Variants in PCDHGA9 observed in about 807,000 individuals in gnomAD.
The protein encoded by PCDHGA9 is protocadherin gamma-A9.
A neutral mutation model predicts 62.5 loss-of-function variants in PCDHGA9; 37 were observed. The observed-to-expected ratio is 0.59, with a 90% CI of 0.46 to 0.78. PCDHGA9 has a LOEUF of 0.78. PCDHGA9 is among the 30% of genes least tolerant of loss of function. PCDHGA9 has a pLI of 0.00. For synonymous variants in PCDHGA9, 459 were observed against 484.6 expected (o/e 0.95, Z 0.69); for missense variants, 1,138 against 1,166.2 (o/e 0.98, Z 0.35).
intron 1 of PCDHGA9, among the ~76,000 whole-genome samples, chr5:141,470,737 G>A (rs117064561): frequency 6.6e-6 from 1 of 152,016 alleles, no homozygotes; most frequent in African/African-American, 2.4e-5. Flanking sequence ...TTGCTCTGTC[G>A]CCCTGGCTGG....
At chr5:141,420,006 G>C (rs2096458103) in intron 1 of PCDHGA9, 2 of 1,613,934 alleles carry the variant, frequency 1.2e-6, no homozygotes, top group Admixed American at 3.3e-5. Flanking sequence ...CTACGCCTGC[G>C]ACAGTCTTTC....
At chr5:141,415,569 A>G (rs962518094) in intron 1 of PCDHGA9, 12 of 1,614,092 alleles carry the variant, frequency 7.4e-6, no homozygotes, top group Non-Finnish European at 1.0e-5. Flanking sequence ...TGTCTTTGTT[A>G]GATGATTCGA....
At position 141,486,883 on chromosome 5, in the gene PCDHGA9, C is replaced by G. The variant is rs1234866888; in HGVS notation, c.2425-7924C>G. The G allele has an allele frequency of 1.2e-6, 2 of 1,614,214 alleles. No individual in the cohort carries two copies. ...CTCCAGCTGTGCTCCGTCCTCGGGC[C>G]CGGCCTGGTTCCTTATGTCCCCAAG... On this transcript the variant is annotated intron_variant, in intron 1 of 3. Coordinates refer to ENST00000573521, the MANE Select transcript of PCDHGA9 (RefSeq NM_018921.3). The surrounding 1 kb of genome is among the most constrained non-coding windows in gnomAD (Gnocchi z 5.0).
chr5:141,489,290 G>A lies in PCDHGA9; in HGVS notation c.2425-5517G>A. 6.3e-7 allele frequency: 1 copy of A among 1,577,514 alleles called. No individual in the cohort carries two copies. The highest frequency in any genetic ancestry group is 8.6e-7 in the Non-Finnish European group (1 of 1,162,002). ...CTCGCTGGGAAATGGCAAGTGCTGT[G>A]CATGTTGTCCTTGTGCTGCTGGGGC... On this transcript the variant is annotated intron_variant, in intron 1 of 3. Transcript: ENST00000573521. This position sits in a 1 kb window ranked among gnomAD's most constrained non-coding sequence, Gnocchi z 4.5.
In PCDHGA9 at chr5:141,486,600, C is replaced by G. The variant is rs748395954; in HGVS notation, c.2425-8207C>G. Reference sequence around the variant, plus strand: ...AATCGCCCAGGGGACCTGCTTTGCTCCCTTGCAGCCTCTGACCCAGACTCT... The same window carrying G: ...AATCGCCCAGGGGACCTGCTTTGCTGCCTTGCAGCCTCTGACCCAGACTCT... On this transcript the variant is annotated intron_variant, in intron 1 of 3. Transcript: ENST00000573521. This position sits in a 1 kb window ranked among gnomAD's most constrained non-coding sequence, Gnocchi z 5.0. 21 of 1,613,602 alleles carry G rather than the reference C, an allele frequency of 1.3e-5. No individual in the cohort carries two copies. Among genetic ancestry groups the G allele is most frequent in the South Asian group, 2.2e-5 (2 of 91,086 alleles).
intron 1 of PCDHGA9, chr5:141,427,685 C>T: frequency 1.2e-6 from 1 of 852,116 alleles, no homozygotes; most frequent in Non-Finnish European, 1.9e-6. Context: ...TTCCCGGAGC[C>T]TCCATCCCAC....
intron 1 of PCDHGA9, chr5:141,417,232 G>A (rs997894028): frequency 6.6e-6 from 1 of 152,072 alleles, no homozygotes; most frequent in Admixed American, 6.6e-5. Context: ...AAAATTTGTT[G>A]CTTATCTTCA....
At chr5:141,421,017 T>TGC (rs1489188484) in intron 1 of PCDHGA9, 1 of 518,776 alleles carries the variant, frequency 1.9e-6, no homozygotes, top group African/African-American at 2.0e-5. Flanking sequence ...AATGGGAAGC[T>TGC]GCGCGCCATT....
chr5:141,410,849 C>CTTTT lies in PCDHGA9; in HGVS notation c.2424+5492_2424+5495dup, dbSNP rs759346998. The CTTTT allele has an allele frequency of 9.0e-3, 1,245 of 137,660 alleles. 106 individuals are homozygous for CTTTT. The highest frequency in any genetic ancestry group is 0.023 in the African/African-American group (378 of 16,590). 8.5% of individuals were successfully genotyped at this position (137,660 alleles called of 1,614,324 possible). On this transcript the variant is annotated intron_variant, in intron 1 of 3. Coordinates refer to ENST00000573521, the MANE Select transcript of PCDHGA9 (RefSeq NM_018921.3). The stretch of plus-strand genomic sequence containing the variant: ...CAGACTGAAGATATTTTGTCTTTGT[C>CTTTT]TTTTTTTTTTTTTTTTTTTTTTGAG...
rs1379875429 is a variant in PCDHGA9 at position 141,491,125 on chromosome 5, C to T, written c.2425-3682C>T. 3.1e-6 allele frequency: 5 copies of T among 1,614,020 alleles called. No homozygotes were observed. The highest frequency in any genetic ancestry group is 4.2e-6 in the Non-Finnish European group (5 of 1,179,992). ...CGTGTCTACACACACTGGTGAGGTG[C>T]GCACAGCCCGGGCCTTACTGGAGGA... On this transcript the variant is annotated intron_variant, in intron 1 of 3. Coordinates refer to ENST00000573521, the MANE Select transcript of PCDHGA9 (RefSeq NM_018921.3). The surrounding 1 kb of genome is among the most constrained non-coding windows in gnomAD (Gnocchi z 6.9).
chr5:141,409,014 AG>A, intron 1 of PCDHGA9: 1 of 1,614,014 alleles, frequency 6.2e-7, no homozygotes, highest in Non-Finnish European at 8.5e-7. Context: ...GACCAGGATG[AG>A]GGGGTCAATG....
chr5:141,510,954 T>G lies in PCDHGA9; in HGVS notation c.2580T>G (p.Ala860=), dbSNP rs774590102. The change falls in exon 4 of 4, where the codon GCT becomes GCG. Residue 860 remains alanine, a synonymous_variant. Coordinates refer to ENST00000573521, the MANE Select transcript of PCDHGA9 (RefSeq NM_018921.3). ...AMILASASEA[A]DGSSTLGGGA... ...CTTCCTCTGTCTCTGCAGAAGCTGC[T>G]GATGGGAGCTCCACCCTGGGAGGGG... is the stretch of plus-strand genomic sequence containing the variant. The G allele has an allele frequency of 3.1e-6, 5 of 1,614,162 alleles. No homozygotes were observed. The Admixed American group carries it at 8.3e-5, about 27-fold the overall frequency.
In PCDHGA9 at chr5:141,489,993, C is replaced by T. The variant is rs1413894892; in HGVS notation, c.2425-4814C>T. 18 of 1,614,186 alleles carry T rather than the reference C, an allele frequency of 1.1e-5. No individual in the cohort carries two copies. The highest frequency in any genetic ancestry group is 1.5e-5 in the Non-Finnish European group (18 of 1,179,990). On this transcript the variant is annotated intron_variant, in intron 1 of 3. Transcript: ENST00000573521. The surrounding 1 kb of genome is among the most constrained non-coding windows in gnomAD (Gnocchi z 4.5). ...AATCCTCAGTTCTACGTGTGGGAAT[C>T]CCAGAGAATGCACCCATTGGTACTC...
chr5:141,450,817 A>G, intron 1 of PCDHGA9, among the ~76,000 whole-genome samples: 1 of 137,534 alleles, frequency 7.3e-6, no homozygotes, highest in East Asian at 2.1e-4. Context: ...TTTATTTAAT[A>G]TTATTATTAT....
rs2099621975 is a variant in PCDHGA9 at position 141,485,946 on chromosome 5, G to A, written c.2425-8861G>A. ...AGTGTGTTGGAGAGCGCACCAGCGG[G>A]CATGGTGCTCATCCAGCTCAATGCC... On this transcript the variant is annotated intron_variant, in intron 1 of 3. Transcript: ENST00000573521. This position sits in a 1 kb window ranked among gnomAD's most constrained non-coding sequence, Gnocchi z 5.7. The A allele has an allele frequency of 1.2e-6, 2 of 1,614,040 alleles. No homozygotes were observed. The highest frequency in any genetic ancestry group is 2.2e-5 in the East Asian group (1 of 44,884).
In PCDHGA9 at chr5:141,477,491, C is replaced by T; in HGVS notation, c.2425-17316C>T. 1 of 1,614,154 alleles carries T rather than the reference C, an allele frequency of 6.2e-7. No homozygotes were observed. The highest frequency in any genetic ancestry group is 8.5e-7 in the Non-Finnish European group (1 of 1,180,022). On this transcript the variant is annotated intron_variant, in intron 1 of 3. Coordinates refer to ENST00000573521, the MANE Select transcript of PCDHGA9 (RefSeq NM_018921.3). The surrounding 1 kb of genome is among the most constrained non-coding windows in gnomAD (Gnocchi z 4.9). ...CAATGACAACCCTCCACAATCTTCT[C>T]AATCTTCCTACGACGTTTACATTGA...
At chr5:141,435,334 T>C (rs1223377462) in intron 1 of PCDHGA9, among the ~76,000 whole-genome samples, 1 of 152,196 alleles carries the variant, frequency 6.6e-6, no homozygotes, top group East Asian at 1.9e-4. Context: ...ATATAGTGAA[T>C]TTATTTCTTC....
At chr5:141,414,533 C>A in intron 1 of PCDHGA9, 1 of 1,613,960 alleles carries the variant, frequency 6.2e-7, no homozygotes, top group Non-Finnish European at 8.5e-7. Context: ...AATGACAACC[C>A]ACCTACCTTC....
At chr5:141,510,863 A>G in intron 3 of PCDHGA9, 84 bp from the exon 4 acceptor site, 1 of 1,607,492 alleles carries the variant, frequency 6.2e-7, no homozygotes, top group African/African-American at 1.3e-5. Flanking sequence ...CTGTATAGGC[A>G]TTCATTAACT....
Sources: gnomAD v4.1 joint callset for allele counts (sites outside exome capture counted in the v4.1 genomes callset) on GRCh38, gnomAD v4.1.1 for gene constraint, Gnocchi (gnomAD v3.1) non-coding constraint, MANE v1.5 for transcripts, NCBI Gene and HGNC (gene_info 2026-07-23, HGNC 2026-07-21) for gene names.